Variants in PDS5B observed in about 807,000 individuals in gnomAD.
PDS5B encodes PDS5 cohesin associated factor B, also known as sister chromatid cohesion protein PDS5 homolog B.
Under a neutral mutation model 184.1 loss-of-function variants are expected in PDS5B, and 51 were observed. That is an observed-to-expected ratio of 0.28 (90% CI 0.22 to 0.35). PDS5B has a LOEUF of 0.35. Among genes scored for constraint, PDS5B ranks in the 10% least tolerant of loss-of-function variants. PDS5B has a pLI of 1.00. For synonymous variants in PDS5B, 566 were observed against 569.2 expected (o/e 0.99, Z 0.08); for missense variants, 1,180 against 1,723.3 (o/e 0.68, Z 5.58).
intron 23 of PDS5B, among the ~76,000 whole-genome samples, chr13:32,744,838 G>A (rs1953688229): frequency 6.6e-6 from 1 of 152,134 alleles, no homozygotes; most frequent in African/African-American, 2.4e-5. Flanking sequence ...AGATTATTAA[G>A]TCTTGGAAAA....
At chr13:32,612,166 C>T (rs192869132) in intron 1 of PDS5B, among the ~76,000 whole-genome samples, 11 of 152,056 alleles carry the variant, frequency 7.2e-5, no homozygotes, top group Admixed American at 7.2e-4. Flanking sequence ...TGTATTCAGA[C>T]ACCTGGAATC....
chr13:32,670,820 C>A (rs939190193), intron 7 of PDS5B, among the ~76,000 whole-genome samples: 5 of 152,048 alleles, frequency 3.3e-5, no homozygotes, highest in Admixed American at 2.6e-4. Context: ...TTCCACTGAG[C>A]CTCTGTTTTT....
At chr13:32,629,848 T>C (rs1822817400) in intron 1 of PDS5B, among the ~76,000 whole-genome samples, 1 of 152,172 alleles carries the variant, frequency 6.6e-6, no homozygotes, top group Admixed American at 6.5e-5. Context: ...CTTGTCCCAG[T>C]TTTCTTCATT....
chr13:32,609,611 C>T (rs2058110549), intron 1 of PDS5B, among the ~76,000 whole-genome samples: 1 of 152,178 alleles, frequency 6.6e-6, no homozygotes, highest in South Asian at 2.1e-4. Flanking sequence ...TAACCATAGT[C>T]CATGGAAATA....
intron 1 of PDS5B, among the ~76,000 whole-genome samples, chr13:32,622,723 A>AT (rs935564339): frequency 6.6e-6 from 1 of 151,938 alleles, no homozygotes; most frequent in African/African-American, 2.4e-5. Flanking sequence ...ATATAAATTA[A>AT]TTTTTTTCTG....
At chr13:32,773,519 T>A (rs1211183165) in intron 34 of PDS5B, among the ~76,000 whole-genome samples, 195 bp downstream of exon 34, 3 of 152,186 alleles carry the variant, frequency 2.0e-5, no homozygotes, top group Non-Finnish European at 4.4e-5. Context: ...TGTAGCTTAA[T>A]GAGAATGTAA....
At chr13:32,671,751 C>T (rs1175622556) in intron 7 of PDS5B, among the ~76,000 whole-genome samples, 1 of 152,138 alleles carries the variant, frequency 6.6e-6, no homozygotes, top group East Asian at 1.9e-4. Context: ...TGAAATCCTC[C>T]ACTCTGTACT....
rs773802552 is a variant in PDS5B at position 32,648,744 on chromosome 13, C to A, written c.-19-10C>A. On this transcript the variant is annotated splice_polypyrimidine_tract_variant and intron_variant, in intron 1 of 34. Coordinates refer to ENST00000315596, the MANE Select transcript of PDS5B (RefSeq NM_015032.4). ...TTTTTGGTTTGCATCTAATAGTTTT[C>A]TTGTTTCAGGGGTAGAAATATTTCT... is the stretch of plus-strand genomic sequence containing the variant. 6.9e-6 allele frequency: 7 copies of A among 1,016,092 alleles called. No individual in the cohort carries two copies. Among genetic ancestry groups the A allele is most frequent in the Non-Finnish European group, 1.1e-5 (7 of 642,080 alleles). The allele number at this position is 1,016,092 out of a possible 1,614,324, so 62.9% of individuals were successfully genotyped here. A position where few individuals can be genotyped will look rare whatever the true frequency, so the allele number is the denominator to read the frequency against.
At chr13:32,656,465 T>C (rs1165935988) in intron 3 of PDS5B, among the ~76,000 whole-genome samples, 1 of 152,008 alleles carries the variant, frequency 6.6e-6, no homozygotes, top group Non-Finnish European at 1.5e-5. Flanking sequence ...TTCCTATCCA[T>C]GAACATGGAA....
chr13:32,646,551 G>A (rs1179162864), intron 1 of PDS5B, among the ~76,000 whole-genome samples: 3 of 151,310 alleles, frequency 2.0e-5, no homozygotes, highest in Non-Finnish European at 4.4e-5. Flanking sequence ...ATACCACAGA[G>A]TGAATCTGGG....
intron 21 of PDS5B, among the ~76,000 whole-genome samples, chr13:32,738,612 C>T (rs898277013): frequency 2.6e-5 from 4 of 152,130 alleles, no homozygotes; most frequent in African/African-American, 9.7e-5. Flanking sequence ...TGTAAAACCT[C>T]ATTTATGTGT....
chr13:32,702,172 C>T (rs74566688), intron 17 of PDS5B, among the ~76,000 whole-genome samples: 5,233 of 152,082 alleles, frequency 0.034, 232 homozygotes, highest in African/African-American at 0.11. Context: ...ATTTTTTCAT[C>T]TTATGCTCAA....
intron 1 of PDS5B, among the ~76,000 whole-genome samples, chr13:32,625,164 T>C (rs949706780): frequency 6.6e-6 from 1 of 152,224 alleles, no homozygotes; most frequent in African/African-American, 2.4e-5. Flanking sequence ...TAGCCCAGGC[T>C]GGAGTACAGT....
In PDS5B at chr13:32,658,434, A is replaced by G; in HGVS notation, c.400A>G (p.Asn134Asp). ...TCACTTTTTTACACCTTATTTTTAG[A>G]ACATTGCTTGGGTCAAGTCATATAA... ...QFNRYFYLLE[N>D]IAWVKSYNIC... Residue 134 changes from asparagine (N) to aspartate (D), a missense_variant and splice_region_variant, in exon 5 of 35, where the codon AAC becomes GAC. Coordinates refer to ENST00000315596, the MANE Select transcript of PDS5B (RefSeq NM_015032.4). 6.4e-7 allele frequency: 1 copy of G among 1,558,782 alleles called. No homozygotes were observed. The highest frequency in any genetic ancestry group is 8.8e-7 in the Non-Finnish European group (1 of 1,140,786).
chr13:32,687,881 TAAG>T (rs1311685096), intron 12 of PDS5B, among the ~76,000 whole-genome samples: 2 of 152,136 alleles, frequency 1.3e-5, no homozygotes, highest in Admixed American at 1.3e-4. Flanking sequence ...ATGAGAAAAT[TAAG>T]AAGCAGGTCA....
chr13:32,730,377 C>T (rs4019171), intron 19 of PDS5B, among the ~76,000 whole-genome samples: 1 of 152,174 alleles, frequency 6.6e-6, no homozygotes, highest in Admixed American at 6.5e-5. Context: ...AGTCAGGTAG[C>T]ATGATATCTC....
intron 11 of PDS5B, among the ~76,000 whole-genome samples, chr13:32,684,546 AGCT>A (rs1391609218): frequency 2.6e-5 from 4 of 152,230 alleles, no homozygotes. Context: ...AGTACCCACT[AGCT>A]CCACTCATTA....
intron 1 of PDS5B, among the ~76,000 whole-genome samples, chr13:32,620,148 T>C (rs1370255094): frequency 6.6e-6 from 1 of 152,160 alleles, no homozygotes; most frequent in Non-Finnish European, 1.5e-5. Context: ...TTGTTTAAAA[T>C]TACATTTTCA....
At chr13:32,599,955 G>T (rs1438490032) in intron 1 of PDS5B, among the ~76,000 whole-genome samples, 1 of 151,960 alleles carries the variant, frequency 6.6e-6, no homozygotes, top group Non-Finnish European at 1.5e-5. Context: ...CCATTCCTCT[G>T]TTTTTCCTCT....
Sources: gnomAD v4.1 joint callset for allele counts (sites outside exome capture counted in the v4.1 genomes callset) on GRCh38, gnomAD v4.1.1 for gene constraint, MANE v1.5 for transcripts, NCBI Gene and HGNC (gene_info 2026-07-23, HGNC 2026-07-21) for gene names.